The following MANEAL variants were observed in gnomAD, a reference collection of about 807,000 sequenced individuals.
The protein encoded by MANEAL is mannosidase endo-alpha like, also known as glycoprotein endo-alpha-1,2-mannosidase-like protein.
A neutral mutation model predicts 35.9 loss-of-function variants in MANEAL; 28 were observed. The observed-to-expected ratio is 0.78, with a 90% CI of 0.58 to 1.07. MANEAL has a LOEUF of 1.07. Among genes scored for constraint, MANEAL ranks in the 50% least tolerant of loss-of-function variants. The probability of loss-of-function intolerance (pLI) is 0.00; values close to 1 mark genes in which losing one functional copy is unlikely to be tolerated. For synonymous variants in MANEAL, 286 were observed against 272.2 expected (o/e 1.05, Z -0.50); for missense variants, 576 against 629.6 (o/e 0.91, Z 0.91).
At chr1:37,796,876 A>G in intron 3 of MANEAL, 56 bp downstream of exon 3, 1 of 1,528,530 alleles carries the variant, frequency 6.5e-7, no homozygotes, top group Non-Finnish European at 8.9e-7. Context: ...AGGTAGGGAT[A>G]GAAGGTTTGG....
intron 1 of MANEAL, chr1:37,795,286 G>A (rs577148570): frequency 1.1e-4 from 19 of 176,830 alleles, no homozygotes; most frequent in Non-Finnish European, 1.6e-4. Flanking sequence ...CGCCTCCTTC[G>A]TAGGCTATGG....
Position 37,799,847 on chromosome 1 carries a change from T to C in MANEAL, c.1018T>C (p.Trp340Arg). ...CTCCTTTGGTTCTTCCCATCAGAAC[T>C]GGAAAGCTGTGAAGAACTTTTGTGA... ...GFSFGSSHQN[W>R]KAVKNFCDAN... Residue 340 changes from tryptophan (W) to arginine (R), a missense_variant, in exon 4 of 4, where the codon TGG (tryptophan) becomes CGG (arginine). Physicochemically the swap from Trp to Arg is moderately radical, Grantham distance 101 (BLOSUM62 -3). This residue lies in a region of MANEAL where 449 missense variants were observed against 516.1 expected (regional missense o/e 0.87). Coordinates refer to ENST00000373045, the MANE Select transcript of MANEAL (RefSeq NM_001113482.2). This position sits in a 1 kb window ranked among gnomAD's most constrained non-coding sequence, Gnocchi z 4.1. 6.2e-7 allele frequency: 1 copy of C among 1,614,234 alleles called. No individual in the cohort carries two copies. Among genetic ancestry groups the C allele is most frequent in the Non-Finnish European group, 8.5e-7 (1 of 1,180,038 alleles).
At chr1:37,797,383 A>G (rs1337740475) in intron 3 of MANEAL, among the ~76,000 whole-genome samples, 2 of 151,542 alleles carry the variant, frequency 1.3e-5, no homozygotes, top group Admixed American at 1.3e-4. Context: ...CCTGGGTGAC[A>G]GAGCGAGATT....
intron 3 of MANEAL, among the ~76,000 whole-genome samples, chr1:37,797,137 C>T (rs987161498): frequency 6.6e-6 from 1 of 152,152 alleles, no homozygotes; most frequent in Non-Finnish European, 1.5e-5. Context: ...GAAGGCCAGG[C>T]ATGGTGTAAT....
intron 2 of MANEAL, 23 bp downstream of exon 2, chr1:37,795,869 CG>C: frequency 6.3e-7 from 1 of 1,595,712 alleles, no homozygotes; most frequent in Non-Finnish European, 8.6e-7. Flanking sequence ...GAAGAGGCCA[CG>C]TGCTCTCTGC....
At position 37,795,825 on chromosome 1, in the gene MANEAL, C is replaced by T. The variant is rs935194708; in HGVS notation, c.639C>T (p.Thr213=). The change falls in exon 2 of 4, where the codon ACC becomes ACT. Residue 213 remains threonine (T), a synonymous_variant. Coordinates refer to ENST00000373045, the MANE Select transcript of MANEAL (RefSeq NM_001113482.2). ...SDDLVPAILD[T]AHQYSIQVAF... Reference sequence around the variant, plus strand: ...ACCTGGTGCCCGCCATTCTGGACACCGCCCATCAGTACAGCATCCAGGTGA... The same window carrying T: ...ACCTGGTGCCCGCCATTCTGGACACTGCCCATCAGTACAGCATCCAGGTGA... The T allele has an allele frequency of 2.5e-6, 4 of 1,614,056 alleles. No individual in the cohort carries two copies. The highest frequency in any genetic ancestry group is 1.3e-5 in the African/African-American group (1 of 75,036).
At chr1:37,798,132 G>C (rs903492161) in intron 3 of MANEAL, among the ~76,000 whole-genome samples, 4 of 151,186 alleles carry the variant, frequency 2.6e-5, no homozygotes, top group Non-Finnish European at 5.9e-5. Context: ...GCTGAGAACA[G>C]AGCAAGATTC....
chr1:37,795,872 G>T, intron 2 of MANEAL, 26 bp downstream of exon 2: 4 of 1,594,670 alleles, frequency 2.5e-6, no homozygotes, highest in Non-Finnish European at 3.4e-6. Flanking sequence ...GAGGCCACGT[G>T]CTCTCTGCCC....
chr1:37,799,798 C>T lies in MANEAL; in HGVS notation c.969C>T (p.Tyr323=), dbSNP rs145713423. 20 of 1,614,120 alleles carry T rather than the reference C, an allele frequency of 1.2e-5. No individual in the cohort carries two copies. The highest frequency in any genetic ancestry group is 1.7e-5 in the Non-Finnish European group (20 of 1,180,062). Residue 323 remains tyrosine, a synonymous_variant, in exon 4 of 4, where the codon TAC becomes TAT. Coordinates refer to ENST00000373045, the MANE Select transcript of MANEAL (RefSeq NM_001113482.2). The surrounding 1 kb of genome is among the most constrained non-coding windows in gnomAD (Gnocchi z 4.1). ...DILAAGFDGM[Y]TYFASNGFSF... is the part of the protein sequence containing the mutation. ...TGGCCGCCGGATTTGACGGCATGTA[C>T]ACCTACTTTGCCTCCAATGGTTTCT...
Position 37,799,575 on chromosome 1 carries a change from C to G in MANEAL, c.746C>G (p.Ser249Cys), listed in dbSNP as rs376697641. 7.4e-6 allele frequency: 12 copies of G among 1,612,952 alleles called. No individual in the cohort carries two copies. The highest frequency in any genetic ancestry group is 1.0e-5 in the Non-Finnish European group (12 of 1,179,238). Reference protein sequence around the residue: ...NIKYIIDTYGSHGAFYRYKNS... With the variant: ...NIKYIIDTYGCHGAFYRYKNS... Reference sequence around the variant, plus strand: ...TTCTTTCTCCTTCTCAGGTATGGCTCCCATGGTGCATTTTACCGCTATAAG... The same window carrying G: ...TTCTTTCTCCTTCTCAGGTATGGCTGCCATGGTGCATTTTACCGCTATAAG... Residue 249 changes from serine to cysteine, a missense_variant, in exon 4 of 4, where the codon TCC becomes TGC. Physicochemically the swap from Ser to Cys is moderately radical, Grantham distance 112. This residue lies in a region of MANEAL where 449 missense variants were observed against 516.1 expected (regional missense o/e 0.87). Transcript: ENST00000373045. This position sits in a 1 kb window ranked among gnomAD's most constrained non-coding sequence, Gnocchi z 4.1.
At position 37,794,305 on chromosome 1, in the gene MANEAL, C is replaced by A; in HGVS notation, c.123C>A (p.Gly41=). The change falls in exon 1 of 4, where the codon GGC becomes GGA. Residue 41 remains glycine (G), a synonymous_variant. Coordinates refer to ENST00000373045, the MANE Select transcript of MANEAL (RefSeq NM_001113482.2). The surrounding 1 kb of genome is among the most constrained non-coding windows in gnomAD (Gnocchi z 5.7). The stretch of plus-strand genomic sequence containing the variant: ...ACGGACTCCCGGCGCTGGGCCCGGG[C>A]CTGGAGCTGGCGCCCTTTGAGCGAC... The part of the protein sequence containing the change: ...APDGLPALGP[G]LELAPFERRP... 8.4e-7 allele frequency: 1 copy of A among 1,187,266 alleles called. No homozygotes were observed. The highest frequency in any genetic ancestry group is 2.6e-5 in the South Asian group (1 of 38,762). The allele number at this position is 1,187,266 out of a possible 1,614,324, so 73.5% of individuals were successfully genotyped here. A position where few individuals can be genotyped will look rare whatever the true frequency, so the allele number is the denominator to read the frequency against.
At position 37,794,132 on chromosome 1, in the gene MANEAL, G is replaced by C; in HGVS notation, c.-51G>C. 1 of 1,103,448 alleles carries C rather than the reference G, an allele frequency of 9.1e-7. No individual in the cohort carries two copies. The highest frequency in any genetic ancestry group is 1.1e-6 in the Non-Finnish European group (1 of 907,434). The allele number at this position is 1,103,448 out of a possible 1,614,324, so 68.4% of individuals were successfully genotyped here. Reference sequence around the variant, plus strand: ...GCGCGCGGCCGGGCGGGCGGCCATGGCGCGGCACGCTGGGAGGTAGCGCGG... The same window carrying C: ...GCGCGCGGCCGGGCGGGCGGCCATGCCGCGGCACGCTGGGAGGTAGCGCGG... On this transcript the variant is annotated 5_prime_UTR_variant, in exon 1 of 4. Coordinates refer to ENST00000373045, the MANE Select transcript of MANEAL (RefSeq NM_001113482.2). The surrounding 1 kb of genome is among the most constrained non-coding windows in gnomAD (Gnocchi z 5.7).
At position 37,800,533 on chromosome 1, in the gene MANEAL, C is replaced by A. The variant is rs1360428225; in HGVS notation, c.*330C>A. ...GCAGGCTGGTGCTGTGTAGTGGCCA[C>A]CCAGTCACCACCCTTGGAAGGGTGT... On this transcript the variant is annotated 3_prime_UTR_variant, in exon 4 of 4. Coordinates refer to ENST00000373045, the MANE Select transcript of MANEAL (RefSeq NM_001113482.2). 3.5e-5 allele frequency: 12 copies of A among 341,324 alleles called. No homozygotes were observed. Among genetic ancestry groups the A allele is most frequent in the Admixed American group, 1.7e-4 (4 of 23,666 alleles). 21.1% of individuals were successfully genotyped at this position (341,324 alleles called of 1,614,324 possible).
chr1:37,794,514 C>T lies in MANEAL; in HGVS notation c.332C>T (p.Ser111Leu). The T allele has an allele frequency of 6.2e-7, 1 of 1,610,432 alleles. No homozygotes were observed. Among genetic ancestry groups the T allele is most frequent in the Non-Finnish European group, 8.5e-7 (1 of 1,179,148 alleles). ...TCGGACCTGCACGCCTTCTACTACT[C>T]GTGGTACGGGAGCCCGCGGCGCGAG... ...VYSDLHAFYY[S>L]WYGSPRREGH... is the part of the protein sequence containing the mutation. The change falls in exon 1 of 4, where the codon TCG (serine) becomes TTG (leucine). Residue 111 changes from serine (S) to leucine (L), a missense_variant. This residue lies in a region of MANEAL where 449 missense variants were observed against 516.1 expected (regional missense o/e 0.87). Transcript: ENST00000373045. This position sits in a 1 kb window ranked among gnomAD's most constrained non-coding sequence, Gnocchi z 5.7.
At chr1:37,795,912 C>T in intron 2 of MANEAL, 66 bp downstream of exon 2, 1 of 1,417,226 alleles carries the variant, frequency 7.1e-7, no homozygotes, top group Admixed American at 1.7e-5. Context: ...CCTCCGCCCA[C>T]AGGGTTAGTG....
At chr1:37,797,585 C>G (rs922583384) in intron 3 of MANEAL, among the ~76,000 whole-genome samples, 1 of 151,200 alleles carries the variant, frequency 6.6e-6, no homozygotes, top group African/African-American at 2.4e-5. Context: ...ATTCTCCTGC[C>G]TCAGCCTCCT....
rs1320700214 is a variant in MANEAL at position 37,799,741 on chromosome 1, G to A, written c.912G>A (p.Leu304=). ...NTPYDGVFIA[L]LVEEGHTHDI... ...CCTACGATGGGGTCTTCATAGCGCT[G>A]CTGGTGGAGGAGGGCCACACCCACG... The change falls in exon 4 of 4, where the codon CTG becomes CTA. Residue 304 remains leucine (L), a synonymous_variant. Coordinates refer to ENST00000373045, the MANE Select transcript of MANEAL (RefSeq NM_001113482.2). The surrounding 1 kb of genome is among the most constrained non-coding windows in gnomAD (Gnocchi z 4.1). 7 of 1,614,106 alleles carry A rather than the reference G, an allele frequency of 4.3e-6. No individual in the cohort carries two copies. In the South Asian group the frequency reaches 4.4e-5, roughly 10 times the overall value.
At chr1:37,796,704 A>G (rs1646647595) in intron 2 of MANEAL, 40 bp from the exon 3 acceptor site, 19 of 1,557,372 alleles carry the variant, frequency 1.2e-5, no homozygotes, top group Non-Finnish European at 1.6e-5. Context: ...TGGCCCCTAG[A>G]TAGACACTCA....
rs745441272 is a variant in MANEAL at position 37,794,622 on chromosome 1, G to A, written c.440G>A (p.Ser147Asn). Residue 147 changes from serine to asparagine, a missense_variant, in exon 1 of 4, where the codon AGC becomes AAC. Around this residue, in one of 3 missense-constraint regions of MANEAL, gnomAD observed 449 missense variants for 516.1 expected, o/e 0.87. Coordinates refer to ENST00000373045, the MANE Select transcript of MANEAL (RefSeq NM_001113482.2). The surrounding 1 kb of genome is among the most constrained non-coding windows in gnomAD (Gnocchi z 5.7). ...GCCAGCTACCCCCGCGGCCGCCACA[G>A]CCCCCCAGACGACTTGGGCTCCAGC... ...ISASYPRGRHSPPDDLGSSFY... is the reference protein window; with the variant it reads ...ISASYPRGRHNPPDDLGSSFY... 8 of 1,610,978 alleles carry A rather than the reference G, an allele frequency of 5.0e-6. No individual in the cohort carries two copies. Among genetic ancestry groups the A allele is most frequent in the African/African-American group, 1.3e-5 (1 of 74,872 alleles).
Sources: gnomAD v4.1 joint callset for allele counts (sites outside exome capture counted in the v4.1 genomes callset) on GRCh38, gnomAD v4.1.1 for gene constraint, gnomAD v4.1.1 regional missense constraint, Gnocchi (gnomAD v3.1) non-coding constraint, MANE v1.5 for transcripts, NCBI Gene and HGNC (gene_info 2026-07-23, HGNC 2026-07-21) for gene names.